Variants in AUH observed in about 807,000 individuals in gnomAD.
The protein encoded by AUH is AU RNA binding methylglutaconyl-CoA hydratase, also known as methylglutaconyl-CoA hydratase, mitochondrial.
In AUH, 29 loss-of-function variants were observed where a neutral mutation model predicts 42.3. That is an observed-to-expected ratio of 0.69 (90% CI 0.51 to 0.93). The LOEUF (loss-of-function observed/expected upper bound fraction) is 0.93, where lower values mean the gene tolerates loss of function less well. AUH is among the 40% of genes least tolerant of loss of function. AUH has a pLI of 0.00. For synonymous variants in AUH, 174 were observed against 166.4 expected (o/e 1.05, Z -0.35); for missense variants, 452 against 438.1 (o/e 1.03, Z -0.28).
chr9:91,264,495 T>C (rs996507903), intron 6 of AUH, among the ~76,000 whole-genome samples: 2 of 152,230 alleles, frequency 1.3e-5, no homozygotes, highest in African/African-American at 4.8e-5. Context: ...TGTATAGCCA[T>C]TATTACCTCA....
Position 91,283,608 on chromosome 9 carries a change from GCAAAGT to G in AUH, c.655+12407_655+12412del, listed in dbSNP as rs879495617. Among the ~76,000 whole-genome samples, 385 of 152,302 alleles carry G rather than the reference GCAAAGT, an allele frequency of 2.5e-3. 1 individual carries two copies. Among genetic ancestry groups the G allele is most frequent in the African/African-American group, 8.3e-3 (343 of 41,560 alleles). ...CTCCTTAAGCTGATAAGCAACTTCA[GCAAAGT>G]CTCAGGATACAAAATCAATGTGCAA... On this transcript the variant is annotated intron_variant, in intron 6 of 9. Transcript: ENST00000375731.
At chr9:91,354,873 T>C (rs59300141) in intron 3 of AUH, among the ~76,000 whole-genome samples, 4,378 of 147,694 alleles carry the variant, frequency 0.03, 105 homozygotes, top group East Asian at 0.071. Context: ...GTGAATATGA[T>C]CTAGACATAA....
intron 6 of AUH, among the ~76,000 whole-genome samples, chr9:91,293,352 A>C (rs552826217): frequency 7.2e-5 from 11 of 152,382 alleles, no homozygotes; most frequent in African/African-American, 2.4e-4. Context: ...CTTAGTTGCC[A>C]ATGCAAAGCA....
At chr9:91,283,470 G>A (rs1185360288) in intron 6 of AUH, among the ~76,000 whole-genome samples, 1 of 152,148 alleles carries the variant, frequency 6.6e-6, no homozygotes, top group African/African-American at 2.4e-5. Flanking sequence ...AGGGCAATCA[G>A]GCAGGAGAAA....
chr9:91,342,247 C>T (rs914595114), intron 3 of AUH, among the ~76,000 whole-genome samples: 2 of 152,206 alleles, frequency 1.3e-5, no homozygotes, highest in East Asian at 3.8e-4. Flanking sequence ...CCCTTCCTTG[C>T]TTCTCTCCAA....
At chr9:91,218,488 G>C (rs1826952522) in intron 7 of AUH, 1 of 411,086 alleles carries the variant, frequency 2.4e-6, no homozygotes, top group African/African-American at 2.2e-5. Flanking sequence ...CATCCTCCTT[G>C]TTAAAATGCA....
intron 4 of AUH, among the ~76,000 whole-genome samples, chr9:91,304,811 T>G (rs532533416): frequency 6.6e-6 from 1 of 152,360 alleles, no homozygotes; most frequent in Admixed American, 6.5e-5. Flanking sequence ...CACTGGTTTC[T>G]TGAGCTTTCA....
chr9:91,310,959 G>A lies in AUH; in HGVS notation c.506-12883C>T, dbSNP rs145135996. ...TTAGTGACTTGTTTTGCATTACTTT[G>A]AGCCTTTCAATAATAAAATTCAAAT... On this transcript the variant is annotated intron_variant, in intron 4 of 9. Transcript: ENST00000375731. 4.5e-3 allele frequency among the ~76,000 whole-genome samples: 682 copies of A among 152,226 alleles called. 5 individuals carry two copies. Among genetic ancestry groups the A allele is most frequent in the African/African-American group, 0.016 (654 of 41,526 alleles).
rs950013026 is a variant in AUH, at chr9:91,287,026, G to A, written c.655+8995C>T. 2.0e-5 allele frequency among the ~76,000 whole-genome samples: 3 copies of A among 152,048 alleles called. No individual in the cohort carries two copies. In the South Asian group the frequency reaches 6.2e-4, roughly 32 times the overall value. ...AATCACTTCACAATGTGTGTGTGTA[G>A]ATATATATAAAAACACTCTACATAG... On this transcript the variant is annotated intron_variant, in intron 6 of 9. Transcript: ENST00000375731.
chr9:91,320,278 C>A (rs901318905), intron 4 of AUH, among the ~76,000 whole-genome samples: 10 of 152,188 alleles, frequency 6.6e-5, no homozygotes, highest in African/African-American at 2.2e-4. Flanking sequence ...TTAAAGCAAA[C>A]TAAATACGGC....
chr9:91,220,603 A>G (rs1463773892), intron 7 of AUH, among the ~76,000 whole-genome samples: 1 of 152,190 alleles, frequency 6.6e-6, no homozygotes, highest in Non-Finnish European at 1.5e-5. Context: ...AGACCCTTGG[A>G]GCATCTTCAA....
chr9:91,325,547 C>T (rs1829910943), intron 3 of AUH, 143 bp from the exon 4 acceptor site: 1 of 711,440 alleles, frequency 1.4e-6, no homozygotes, highest in Non-Finnish European at 2.5e-6. Context: ...CTCAGTTTTC[C>T]TTCCCAATGA....
intron 3 of AUH, among the ~76,000 whole-genome samples, chr9:91,339,073 AAT>A (rs142813829): frequency 0.054 from 8,267 of 152,294 alleles, 320 homozygotes; most frequent in Non-Finnish European, 0.082. Context: ...CTCTTCACAC[AAT>A]ATGTTTAGTA....
chr9:91,250,521 C>T (rs1161631009), intron 6 of AUH, among the ~76,000 whole-genome samples: 1 of 152,180 alleles, frequency 6.6e-6, no homozygotes, highest in Non-Finnish European at 1.5e-5. Context: ...GATGTGTGAC[C>T]TATTAGCTTA....
Position 91,324,432 on chromosome 9 carries a change from G to A in AUH, c.505+886C>T, listed in dbSNP as rs570978258. Among the ~76,000 whole-genome samples, 34 of 151,202 alleles carry A rather than the reference G, an allele frequency of 2.2e-4. 1 individual carries two copies. The highest frequency in any genetic ancestry group is 7.8e-4 in the African/African-American group (32 of 41,256). ...GCAGGAGGATCTCTTGAGCCCAGGAGTTGGAGGTTACAGTGAGCTATTATC... is the reference window on the plus strand; with the variant it reads ...GCAGGAGGATCTCTTGAGCCCAGGAATTGGAGGTTACAGTGAGCTATTATC... On this transcript the variant is annotated intron_variant, in intron 4 of 9. Coordinates refer to ENST00000375731, the MANE Select transcript of AUH (RefSeq NM_001698.3).
intron 6 of AUH, among the ~76,000 whole-genome samples, chr9:91,221,617 G>A (rs1827141298): frequency 6.6e-6 from 1 of 152,012 alleles, no homozygotes; most frequent in South Asian, 2.1e-4. Context: ...AGCTGGTGAG[G>A]AAAATCCACT....
At chr9:91,216,176 C>A in intron 8 of AUH, 70 bp from the exon 9 acceptor site, 1 of 1,422,156 alleles carries the variant, frequency 7.0e-7, no homozygotes, top group South Asian at 1.2e-5. Context: ...AACAGAAATT[C>A]AAATTGAATA....
intron 4 of AUH, among the ~76,000 whole-genome samples, chr9:91,298,970 G>A (rs1827567872): frequency 6.6e-6 from 1 of 152,194 alleles, no homozygotes; most frequent in Non-Finnish European, 1.5e-5. Flanking sequence ...TGTAATCCCA[G>A]CACTTTGGGA....
chr9:91,319,011 C>CAT (rs1829371040), intron 4 of AUH, among the ~76,000 whole-genome samples: 1 of 152,198 alleles, frequency 6.6e-6, no homozygotes, highest in Non-Finnish European at 1.5e-5. Flanking sequence ...CTTCTTGAGA[C>CAT]AGAAGTTTCA....
Sources: allele counts gnomAD v4.1 joint callset (sites outside exome capture counted in the v4.1 genomes callset), GRCh38; gene constraint gnomAD v4.1.1; transcripts MANE v1.5; gene names NCBI Gene and HGNC (gene_info 2026-07-23, HGNC 2026-07-21).